The following LNX1 variants were observed in gnomAD, a reference collection of about 807,000 sequenced individuals.
LNX1 encodes E3 ubiquitin-protein ligase LNX.
LNX1 carries 54 observed loss-of-function variants against 68.4 expected under a neutral mutation model. The ratio of observed to expected loss-of-function variants is 0.79; its 90% CI spans 0.63 to 0.99. LNX1 has a LOEUF of 0.99. LNX1 is among the 50% of genes least tolerant of loss of function. The pLI, the probability that LNX1 is intolerant of heterozygous loss-of-function variation, is 0.00. For synonymous variants in LNX1, 336 were observed against 350.0 expected, an observed-to-expected ratio of 0.96 and a Z score of 0.45; for missense variants, 906 against 926.4, an observed-to-expected ratio of 0.98 and a Z score of 0.29.
intron 4 of LNX1, among the ~76,000 whole-genome samples, chr4:53,501,195 G>C (rs1050734002): frequency 6.6e-6 from 1 of 150,782 alleles, no homozygotes; most frequent in Non-Finnish European, 1.5e-5. Context: ...CTGAGAGTTT[G>C]TTATATGCTG....
chr4:53,529,004 G>T (rs1476144862), intron 2 of LNX1, among the ~76,000 whole-genome samples: 2 of 151,842 alleles, frequency 1.3e-5, no homozygotes, highest in Non-Finnish European at 2.9e-5. Context: ...AATGCATATT[G>T]ATGTAGTTCC....
intron 6 of LNX1, among the ~76,000 whole-genome samples, chr4:53,489,490 T>A (rs1184115213): frequency 2.0e-5 from 3 of 152,148 alleles, no homozygotes; most frequent in African/African-American, 7.2e-5. Context: ...GTCAGTAAAA[T>A]GACTCAGCAT....
chr4:53,573,827 G>A lies in LNX1; in HGVS notation c.176C>T (p.Thr59Ile), dbSNP rs1319622567. 2 of 1,613,600 alleles carry A rather than the reference G, an allele frequency of 1.2e-6. No homozygotes were observed. Among genetic ancestry groups the A allele is most frequent in the Non-Finnish European group, 8.5e-7 (1 of 1,179,756 alleles). ...LDPLDTPCGH[T>I]YCTLCLTNFL... ...GTTGGTGAGGCAGAGGGTGCAGTAG[G>A]TGTGTCCACACGGAGTGTCCAGGGG... The change falls in exon 2 of 11, where the codon ACC (threonine) becomes ATC (isoleucine). Residue 59 changes from threonine (T) to isoleucine (I), a missense_variant. By Grantham distance (89) the Thr-to-Ile change is moderately conservative. Coordinates refer to ENST00000263925, the MANE Select transcript of LNX1 (RefSeq NM_001126328.3).
rs143827192 is a variant in LNX1 at position 53,508,507 on chromosome 4, A to G, written c.381-280T>C. ...GCTGGAATGCAAATTTATTCAGGTC[A>G]CCATGGTGTCTACATGAGTAGGGTT... On this transcript the variant is annotated intron_variant, in intron 2 of 10. Coordinates refer to ENST00000263925, the MANE Select transcript of LNX1 (RefSeq NM_001126328.3). 1,671 of 390,836 alleles carry G rather than the reference A, an allele frequency of 4.3e-3. 36 individuals carry two copies. The highest frequency in any genetic ancestry group is 0.031 in the African/African-American group (1,541 of 49,854). The allele number at this position is 390,836 out of a possible 1,614,324, so 24.2% of individuals were successfully genotyped here.
chr4:53,602,893 G>C (rs1311009935), intron 2 of LNX1: 5 of 152,154 alleles, frequency 3.3e-5, no homozygotes, highest in African/African-American at 4.8e-5. Context: ...AAATTCTTCT[G>C]TTTTCAAGTT....
At chr4:53,519,853 A>C (rs73145478) in intron 2 of LNX1, among the ~76,000 whole-genome samples, 20,661 of 152,246 alleles carry the variant, frequency 0.14, 1,777 homozygotes, top group African/African-American at 0.25. Context: ...CAGTTTGCAT[A>C]TAGGGTGACC....
intron 2 of LNX1, chr4:53,524,250 G>C (rs1727455010): frequency 1.3e-5 from 2 of 152,150 alleles, no homozygotes; most frequent in Admixed American, 1.3e-4. Flanking sequence ...TCAAAACTGT[G>C]GTGGATTTGA....
At chr4:53,647,038 T>C (rs374278317) in intron 1 of LNX1, among the ~76,000 whole-genome samples, 5 of 152,210 alleles carry the variant, frequency 3.3e-5, no homozygotes, top group Non-Finnish European at 4.4e-5. Flanking sequence ...GGAAAGGTTC[T>C]CCATGCTCCA....
At chr4:53,478,105 C>G (rs1398734596) in intron 8 of LNX1, among the ~76,000 whole-genome samples, 1 of 152,126 alleles carries the variant, frequency 6.6e-6, no homozygotes, top group Non-Finnish European at 1.5e-5. Context: ...AATTTTCACT[C>G]TGGGAAAGTA....
chr4:53,527,253 T>G (rs1727686802), intron 2 of LNX1, among the ~76,000 whole-genome samples: 1 of 152,216 alleles, frequency 6.6e-6, no homozygotes, highest in Non-Finnish European at 1.5e-5. Flanking sequence ...ACATGTTCAG[T>G]GAACTAGCAG....
intron 2 of LNX1, among the ~76,000 whole-genome samples, chr4:53,601,108 G>C (rs1176184446): frequency 6.9e-6 from 1 of 144,584 alleles, no homozygotes; most frequent in East Asian, 2.1e-4. Context: ...GGAGGGAGGG[G>C]GGGAGGGAAG....
chr4:53,534,281 G>A (rs1031244768), intron 2 of LNX1, among the ~76,000 whole-genome samples: 1 of 152,102 alleles, frequency 6.6e-6, no homozygotes, highest in Non-Finnish European at 1.5e-5. Context: ...CTCTTCTCAA[G>A]GGCATATGTT....
At chr4:53,560,067 A>G (rs1454807380) in intron 2 of LNX1, among the ~76,000 whole-genome samples, 4 of 152,112 alleles carry the variant, frequency 2.6e-5, no homozygotes, top group Non-Finnish European at 5.9e-5. Flanking sequence ...CTTTCCTCCT[A>G]TACTATTAGA....
At chr4:53,644,275 C>T (rs1734797431) in intron 1 of LNX1, among the ~76,000 whole-genome samples, 1 of 152,054 alleles carries the variant, frequency 6.6e-6, no homozygotes, top group African/African-American at 2.4e-5. Context: ...GTGGCATGCT[C>T]CTGTAGCCCT....
chr4:53,573,666 G>C lies in LNX1; in HGVS notation c.337C>G (p.Gln113Glu). 1 of 1,607,612 alleles carries C rather than the reference G, an allele frequency of 6.2e-7. No homozygotes were observed. Among genetic ancestry groups the C allele is most frequent in the Non-Finnish European group, 8.5e-7 (1 of 1,177,142 alleles). The change falls in exon 2 of 11, where the codon CAG (glutamine) becomes GAG (glutamate). Residue 113 changes from glutamine (Q) to glutamate (E), a missense_variant. Physicochemically the swap from Gln to Glu is conservative, Grantham distance 29. Coordinates refer to ENST00000263925, the MANE Select transcript of LNX1 (RefSeq NM_001126328.3). Reference sequence around the variant, plus strand: ...TCGAGGTCACAGCGCTGCAACACCTGGGTGCAGTGCTCCCTGAATGGGCAG... The same window carrying C: ...TCGAGGTCACAGCGCTGCAACACCTCGGTGCAGTGCTCCCTGAATGGGCAG... The part of the protein sequence containing the change: ...VTCPFREHCT[Q>E]VLQRCDLEHH...
chr4:53,573,589 G>T, intron 2 of LNX1, 34 bp downstream of exon 2: 1 of 1,509,840 alleles, frequency 6.6e-7, no homozygotes, highest in Non-Finnish European at 9.1e-7. Flanking sequence ...CCGCTTGGGG[G>T]TGGGACTTAC....
intron 1 of LNX1, among the ~76,000 whole-genome samples, chr4:53,628,140 A>G (rs1169739735): frequency 6.6e-6 from 1 of 152,202 alleles, no homozygotes; most frequent in Non-Finnish European, 1.5e-5. Context: ...GTTTTGCAGC[A>G]GACATTTGGT....
At chr4:53,494,899 C>T (rs371441278) in intron 6 of LNX1, among the ~76,000 whole-genome samples, 13 of 152,192 alleles carry the variant, frequency 8.5e-5, no homozygotes, top group African/African-American at 3.1e-4. Flanking sequence ...AAAAGCCAGT[C>T]CCCCAAGTCC....
intron 1 of LNX1, among the ~76,000 whole-genome samples, chr4:53,630,168 C>T (rs1006110563): frequency 2.0e-5 from 3 of 152,000 alleles, no homozygotes; most frequent in African/African-American, 7.3e-5. Flanking sequence ...ATTCCAGGAG[C>T]TCCTGCTTAA....
Sources: gnomAD v4.1 joint callset for allele counts (sites outside exome capture counted in the v4.1 genomes callset) on GRCh38, gnomAD v4.1.1 for gene constraint, MANE v1.5 for transcripts, NCBI Gene and HGNC (gene_info 2026-07-23, HGNC 2026-07-21) for gene names.